CCSER2: variants seen among roughly 807,000 people sequenced by gnomAD.
CCSER2 encodes coiled-coil serine rich protein 2.
Under a neutral mutation model 92.3 loss-of-function variants are expected in CCSER2, and 46 were observed. The observed-to-expected ratio is 0.50, with a 90% CI of 0.39 to 0.64. The LOEUF (loss-of-function observed/expected upper bound fraction) is 0.64. CCSER2 is among the 30% of genes least tolerant of loss of function. The pLI is 0.00. For synonymous variants in CCSER2, 433 were observed against 431.4 expected (o/e 1.00, Z -0.04); for missense variants, 1,244 against 1,238.9 (o/e 1.00, Z -0.06).
At chr10:84,444,807 C>G (rs994600670) in intron 6 of CCSER2, among the ~76,000 whole-genome samples, 1 of 152,154 alleles carries the variant, frequency 6.6e-6, no homozygotes, top group Admixed American at 6.5e-5. Context: ...GGCCTTTGAT[C>G]TTTTATTTGT....
intron 3 of CCSER2, chr10:84,389,026 T>G: frequency 4.0e-6 from 1 of 251,282 alleles, no homozygotes; most frequent in Middle Eastern, 1.5e-3. Context: ...ACCATTCGCA[T>G]CATAAAATTA....
chr10:84,437,644 T>A (rs1435505234), intron 5 of CCSER2, among the ~76,000 whole-genome samples: 1 of 152,186 alleles, frequency 6.6e-6, no homozygotes, highest in Non-Finnish European at 1.5e-5. Context: ...TACTTTTATT[T>A]TTTTCCTTAT....
intron 9 of CCSER2, among the ~76,000 whole-genome samples, chr10:84,478,057 A>C (rs1180186734): frequency 6.6e-6 from 1 of 152,144 alleles, no homozygotes; most frequent in Non-Finnish European, 1.5e-5. Flanking sequence ...TTTTTTGTTA[A>C]AACTTTTCAA....
intron 6 of CCSER2, among the ~76,000 whole-genome samples, chr10:84,457,272 T>TTATTTATTATATATA: frequency 5.9e-5 from 1 of 16,842 alleles, no homozygotes; most frequent in Non-Finnish European, 9.1e-5. Context: ...ATATTATATA[T>TTATTTATTATATATA]AATATATTAT....
intron 1 of CCSER2, among the ~76,000 whole-genome samples, chr10:84,342,704 G>A (rs1321911403): frequency 1.3e-5 from 2 of 150,882 alleles, no homozygotes; most frequent in East Asian, 1.9e-4. Context: ...TTTTTTTTGC[G>A]TTGTGTACTA....
intron 1 of CCSER2, among the ~76,000 whole-genome samples, chr10:84,335,474 G>A (rs113041468): frequency 1.2e-4 from 19 of 152,008 alleles, no homozygotes; most frequent in African/African-American, 3.9e-4. Flanking sequence ...AAACTCCTGG[G>A]CTCAAATGAC....
At chr10:84,381,820 C>T (rs185763890) in intron 3 of CCSER2, among the ~76,000 whole-genome samples, 7 of 147,126 alleles carry the variant, frequency 4.8e-5, no homozygotes, top group East Asian at 2.1e-4. Context: ...CCCAGCTACT[C>T]GGGAGGCTAG....
intron 7 of CCSER2, among the ~76,000 whole-genome samples, chr10:84,465,096 G>T (rs1282554117): frequency 6.6e-6 from 1 of 151,670 alleles, no homozygotes; most frequent in Admixed American, 6.6e-5. Flanking sequence ...CATTAAGTCA[G>T]CAGGTTCACA....
Position 84,438,666 on chromosome 10 carries a change from G to C in CCSER2, c.2023G>C (p.Val675Leu). ...LRHMVQDCTA[V>L]KTQLLKLKRL... ...GCACATGGTTCAGGATTGCACTGCT[G>C]TAAAAACTCAGTTACTCAAACTGAA... The change falls in exon 6 of 10, where the codon GTA becomes CTA. Residue 675 changes from valine (V) to leucine (L), a missense_variant. By Grantham distance (32) the Val-to-Leu change is conservative. Coordinates refer to ENST00000372088, the MANE Select transcript of CCSER2 (RefSeq NM_001284240.2). The C allele has an allele frequency of 6.2e-7, 1 of 1,611,436 alleles. No homozygotes were observed. The highest frequency in any genetic ancestry group is 1.1e-5 in the South Asian group (1 of 90,576).
At chr10:84,471,804 T>C (rs958920986) in intron 8 of CCSER2, among the ~76,000 whole-genome samples, 2 of 152,088 alleles carry the variant, frequency 1.3e-5, no homozygotes, top group Admixed American at 6.5e-5. Flanking sequence ...TTAATTTTTC[T>C]GAAATTAAAA....
At chr10:84,474,330 A>G (rs191157618) in intron 8 of CCSER2, among the ~76,000 whole-genome samples, 25 of 152,254 alleles carry the variant, frequency 1.6e-4, no homozygotes, top group African/African-American at 5.3e-4. Flanking sequence ...AGGGAGTTCT[A>G]TAATCTCTCC....
At chr10:84,441,245 T>C (rs1844515054) in intron 6 of CCSER2, among the ~76,000 whole-genome samples, 1 of 152,202 alleles carries the variant, frequency 6.6e-6, no homozygotes, top group Non-Finnish European at 1.5e-5. Flanking sequence ...GGTTTGGTTA[T>C]GTTTCCTGGT....
intron 9 of CCSER2, among the ~76,000 whole-genome samples, chr10:84,486,718 C>T (rs961050992): frequency 6.6e-6 from 1 of 152,170 alleles, no homozygotes; most frequent in Non-Finnish European, 1.5e-5. Context: ...ATGGTAGTTT[C>T]TTTTGCTGTG....
intron 9 of CCSER2, 43 bp downstream of exon 9, chr10:84,477,707 A>G (rs778095209): frequency 5.4e-5 from 58 of 1,070,690 alleles, no homozygotes; most frequent in Non-Finnish European, 7.5e-5. Context: ...GTCATTTGCT[A>G]TTTTGATGTT....
At chr10:84,332,529 C>T (rs1843637775) in intron 1 of CCSER2, among the ~76,000 whole-genome samples, 1 of 146,486 alleles carries the variant, frequency 6.8e-6, no homozygotes, top group Non-Finnish European at 1.5e-5. Flanking sequence ...ACCTCTGCCT[C>T]CTGGGTTCAA....
intron 1 of CCSER2, among the ~76,000 whole-genome samples, chr10:84,352,310 A>C (rs1844909604): frequency 6.8e-6 from 1 of 147,432 alleles, no homozygotes; most frequent in Non-Finnish European, 1.5e-5. Flanking sequence ...CTCAAAAAAA[A>C]CAAAAACAAA....
At chr10:84,415,722 G>A (rs1252388872) in intron 3 of CCSER2, among the ~76,000 whole-genome samples, 1 of 152,198 alleles carries the variant, frequency 6.6e-6, no homozygotes, top group Non-Finnish European at 1.5e-5. Context: ...TTCTTGTTCG[G>A]ACTGTCTGGA....
At chr10:84,437,196 G>A (rs1844223616) in intron 5 of CCSER2, among the ~76,000 whole-genome samples, 1 of 151,836 alleles carries the variant, frequency 6.6e-6, no homozygotes, top group Non-Finnish European at 1.5e-5. Context: ...GAGAGAGACA[G>A]ACAGACAGCG....
At chr10:84,368,107 G>T (rs565723270) in intron 1 of CCSER2, among the ~76,000 whole-genome samples, 16 of 152,126 alleles carry the variant, frequency 1.1e-4, no homozygotes, top group Non-Finnish European at 2.1e-4. Flanking sequence ...TGATGCCTCT[G>T]CCTAGGTTTT....
Sources: allele counts gnomAD v4.1 joint callset (sites outside exome capture counted in the v4.1 genomes callset), GRCh38; gene constraint gnomAD v4.1.1; transcripts MANE v1.5; gene names NCBI Gene and HGNC (gene_info 2026-07-23, HGNC 2026-07-21).